The following CACNA2D4 variants were observed in gnomAD, a reference collection of about 807,000 sequenced individuals.
CACNA2D4 encodes voltage-dependent calcium channel subunit alpha-2/delta-4.
Under a neutral mutation model 163.8 loss-of-function variants are expected in CACNA2D4, and 157 were observed. That is an observed-to-expected ratio of 0.96 (90% CI 0.84 to 1.09). The LOEUF (loss-of-function observed/expected upper bound fraction) is 1.09, where lower values mean the gene tolerates loss of function less well. Ranked by LOEUF, CACNA2D4 falls within the 50% of genes least tolerant of loss-of-function variation. The pLI is 0.00. For missense variants in CACNA2D4, 1,410 were observed against 1,479.9 expected (o/e 0.95, Z 0.78); for synonymous variants, 598 against 586.9 (o/e 1.02, Z -0.27).
chr12:1,857,759 G>A lies in CACNA2D4; in HGVS notation c.2008+818C>T, dbSNP rs143581439. Among the ~76,000 whole-genome samples, 1,219 of 152,286 alleles carry A rather than the reference G, an allele frequency of 8.0e-3. 15 individuals are homozygous for A. The highest frequency in any genetic ancestry group is 0.028 in the African/African-American group (1,155 of 41,554). ...TCTCACTTTGGTTCGCATCCCATAA[G>A]CTCCAGGTATGGGCTGAATTGTGTC... On this transcript the variant is annotated intron_variant, in intron 20 of 37. Transcript: ENST00000382722.
chr12:1,871,483 G>A (rs1479325544), intron 18 of CACNA2D4, among the ~76,000 whole-genome samples: 1 of 151,364 alleles, frequency 6.6e-6, no homozygotes, highest in Non-Finnish European at 1.5e-5. Context: ...CTGCTAGTGT[G>A]TGCATATGTA....
In CACNA2D4 at chr12:1,879,144, T is replaced by C. The variant is rs1458822995; in HGVS notation, c.1564-108A>G. 3 of 769,804 alleles carry C rather than the reference T, an allele frequency of 3.9e-6. No homozygotes were observed. The African/African-American group carries it at 5.3e-5, about 14-fold the overall frequency. The allele number at this position is 769,804 out of a possible 1,614,324, so 47.7% of individuals were successfully genotyped here. On this transcript the variant is annotated intron_variant, in intron 14 of 37. Transcript: ENST00000382722. ...CTGGAAGAGGAAGCCACTTAGGCTTTAAGTGGTTCTTCCTCTGCAATTAGA... is the reference window on the plus strand; with the variant it reads ...CTGGAAGAGGAAGCCACTTAGGCTTCAAGTGGTTCTTCCTCTGCAATTAGA...
At chr12:1,854,117 G>A (rs910994865) in intron 22 of CACNA2D4, 73 bp from the exon 23 acceptor site, 1 of 1,121,206 alleles carries the variant, frequency 8.9e-7, no homozygotes, top group African/African-American at 1.6e-5. Flanking sequence ...CCCATCCTAA[G>A]TTCAGGGAGA....
intron 18 of CACNA2D4, among the ~76,000 whole-genome samples, chr12:1,868,964 C>T (rs1219141987): frequency 6.6e-6 from 1 of 152,016 alleles, no homozygotes; most frequent in African/African-American, 2.4e-5. Context: ...GTGTAGATTA[C>T]ACATAAATCT....
At chr12:1,872,284 G>A (rs7305362) in intron 18 of CACNA2D4, among the ~76,000 whole-genome samples, 13,627 of 152,176 alleles carry the variant, frequency 0.09, 1,635 homozygotes, top group African/African-American at 0.27. Context: ...TCTTACTCGT[G>A]TTTATTAACA....
intron 20 of CACNA2D4, 106 bp from the exon 21 acceptor site, chr12:1,856,335 G>C (rs373579854): frequency 5.6e-5 from 69 of 1,236,878 alleles, no homozygotes; most frequent in Admixed American, 3.9e-4. Context: ...AAAGGGACTG[G>C]GGTCTGTTCT....
At chr12:1,818,894 T>C (rs1863983859) in intron 26 of CACNA2D4, among the ~76,000 whole-genome samples, 1 of 149,030 alleles carries the variant, frequency 6.7e-6, no homozygotes, top group African/African-American at 2.5e-5. Flanking sequence ...CAGAGACCTT[T>C]GTTCACATGT....
intron 1 of CACNA2D4, chr12:1,915,205 C>T: frequency 1.4e-6 from 1 of 702,674 alleles, no homozygotes; most frequent in Non-Finnish European, 2.6e-6. Flanking sequence ...GTCCCTCCTC[C>T]TTGTCCCTAA....
Position 1,801,566 on chromosome 12 carries a change from C to T in CACNA2D4, c.2792+8G>A. 1.3e-6 allele frequency: 2 copies of T among 1,576,854 alleles called. No homozygotes were observed. Among genetic ancestry groups the T allele is most frequent in the Non-Finnish European group, 8.6e-7 (1 of 1,159,144 alleles). Reference sequence around the variant, plus strand: ...TATTTGGACTGGGGAGGAGTGTGCCCCACTTACTGGCTGAACACCCCCATG... The same window carrying T: ...TATTTGGACTGGGGAGGAGTGTGCCTCACTTACTGGCTGAACACCCCCATG... On this transcript the variant is annotated splice_region_variant and intron_variant, in intron 30 of 37. Transcript: ENST00000382722.
At chr12:1,808,646 A>G (rs545047704) in intron 29 of CACNA2D4, among the ~76,000 whole-genome samples, 8 of 152,286 alleles carry the variant, frequency 5.3e-5, no homozygotes, top group African/African-American at 1.2e-4. Flanking sequence ...AGTGTCCAGG[A>G]TGCAAGCTCT....
chr12:1,886,158 C>T, intron 8 of CACNA2D4, 65 bp downstream of exon 8: 2 of 1,590,256 alleles, frequency 1.3e-6, no homozygotes, highest in South Asian at 2.2e-5. Context: ...TGTGGGTCAC[C>T]TTGGTACCTG....
At chr12:1,841,201 T>C (rs1209168312) in intron 25 of CACNA2D4, among the ~76,000 whole-genome samples, 4 of 152,226 alleles carry the variant, frequency 2.6e-5, no homozygotes, top group Admixed American at 1.3e-4. Flanking sequence ...TGGGTGATCC[T>C]GGATTGCTCT....
intron 31 of CACNA2D4, 155 bp from the exon 32 acceptor site, chr12:1,800,593 C>T (rs1212281227): frequency 4.3e-6 from 3 of 691,992 alleles, no homozygotes; most frequent in Admixed American, 4.7e-5. Context: ...CCCAGCACCC[C>T]CCATCCCCCC....
Position 1,913,022 on chromosome 12 carries a change from C to G in CACNA2D4, c.426+1G>C, listed in dbSNP as rs767991383. The stretch of plus-strand genomic sequence containing the variant: ...CCCTGCAGATCACAGGCCTGGAGTA[C>G]CTGGACCGCCTCGACTTTCCTCCGC... On this transcript the variant is annotated splice_donor_variant, in intron 3 of 37. Coordinates refer to ENST00000382722, the MANE Select transcript of CACNA2D4 (RefSeq NM_172364.5). LOFTEE classifies it high-confidence loss of function. 1.2e-6 allele frequency: 2 copies of G among 1,605,484 alleles called. No homozygotes were observed. The highest frequency in any genetic ancestry group is 3.3e-5 in the Admixed American group (2 of 59,980).
intron 23 of CACNA2D4, among the ~76,000 whole-genome samples, chr12:1,851,211 T>C (rs974863601): frequency 1.3e-5 from 2 of 152,240 alleles, no homozygotes; most frequent in Non-Finnish European, 2.9e-5. Context: ...TTGTTAAATT[T>C]ATCCGTCATT....
At chr12:1,916,135 C>T (rs1004544654) in intron 1 of CACNA2D4, among the ~76,000 whole-genome samples, 17 of 152,076 alleles carry the variant, frequency 1.1e-4, no homozygotes, top group African/African-American at 2.4e-4. Context: ...ACGTGACTTC[C>T]GGGCTTCCAG....
Position 1,800,106 on chromosome 12 carries a change from T to A in CACNA2D4, c.2922-54A>T, listed in dbSNP as rs2154445243. 4.6e-6 allele frequency: 7 copies of A among 1,537,082 alleles called. No individual in the cohort carries two copies. In the East Asian group the frequency reaches 1.7e-4, roughly 37 times the overall value. On this transcript the variant is annotated intron_variant, in intron 32 of 37. Coordinates refer to ENST00000382722, the MANE Select transcript of CACNA2D4 (RefSeq NM_172364.5). ...ACCTCTGAGCCCTCCCGACTTGGGT[T>A]CCCAAGGAGCTGGAGTATCCCTGAC...
At chr12:1,882,787 C>T in intron 13 of CACNA2D4, 80 bp downstream of exon 13, 1 of 1,500,380 alleles carries the variant, frequency 6.7e-7, no homozygotes. Context: ...CCTTTCCTGA[C>T]CCAGGAAGTA....
At chr12:1,821,976 C>T (rs563936873) in intron 26 of CACNA2D4, 4 of 152,208 alleles carry the variant, frequency 2.6e-5, no homozygotes, top group South Asian at 4.1e-4. Flanking sequence ...GAGCCGAGCA[C>T]GTGGAGCTGA....
Sources: gnomAD v4.1 joint callset for allele counts (sites outside exome capture counted in the v4.1 genomes callset) on GRCh38, gnomAD v4.1.1 for gene constraint, MANE v1.5 for transcripts, NCBI Gene and HGNC (gene_info 2026-07-23, HGNC 2026-07-21) for gene names.